DCC: variants seen among roughly 807,000 people sequenced by gnomAD.
DCC encodes DCC netrin 1 receptor.
A neutral mutation model predicts 172.5 loss-of-function variants in DCC; 58 were observed. That is an observed-to-expected ratio of 0.34 (90% CI 0.27 to 0.42). The LOEUF is 0.42. Ranked by LOEUF, DCC falls within the 10% of genes least tolerant of loss-of-function variation. The pLI is 1.00. For missense variants in DCC, 1,740 were observed against 1,791.0 expected (o/e 0.97, Z 0.51); for synonymous variants, 709 against 644.5 (o/e 1.10, Z -1.52).
chr18:52,974,214 G>T (rs1481941229), intron 5 of DCC, among the ~76,000 whole-genome samples: 1 of 152,104 alleles, frequency 6.6e-6, no homozygotes, highest in Non-Finnish European at 1.5e-5. Context: ...TGAAAATCTT[G>T]TCTACATATC....
intron 28 of DCC, among the ~76,000 whole-genome samples, chr18:53,529,026 TCTCTCTCTCTCTCACACACA>T (rs1157250113): frequency 3.1e-5 from 2 of 65,048 alleles, no homozygotes; most frequent in East Asian, 9.8e-4. Flanking sequence ...TCTCTCTCTC[TCTCTCTCTCTCTCACACACA>T]CACACACACA....
At position 52,810,836 on chromosome 18, in the gene DCC, C is replaced by T. The variant is rs573339856; in HGVS notation, c.412+58462C>T. Among the ~76,000 whole-genome samples, 29 of 152,314 alleles carry T rather than the reference C, an allele frequency of 1.9e-4. No homozygotes were observed. The East Asian group carries it at 5.4e-3, about 28-fold the overall frequency. ...TTTAACTTGTAACTTGGCTTTCAGG[C>T]TTCAAACTGTCTTCAGCTCGGAGGT... On this transcript the variant is annotated intron_variant, in intron 2 of 28. Transcript: ENST00000442544.
At chr18:53,482,542 T>C (rs2045845755) in intron 25 of DCC, among the ~76,000 whole-genome samples, 1 of 152,106 alleles carries the variant, frequency 6.6e-6, no homozygotes. Flanking sequence ...TCTCCAAATT[T>C]GTTTGGCTCC....
intron 2 of DCC, among the ~76,000 whole-genome samples, chr18:52,903,330 G>A (rs1190751721): frequency 4.6e-5 from 7 of 151,934 alleles, no homozygotes; most frequent in South Asian, 4.1e-4. Context: ...TCAGCCTCCC[G>A]AGTAGCTGGG....
chr18:53,048,687 A>G (rs1321866707), intron 5 of DCC, among the ~76,000 whole-genome samples: 1 of 151,118 alleles, frequency 6.6e-6, no homozygotes, highest in Non-Finnish European at 1.5e-5. Flanking sequence ...ATATATATAT[A>G]CCTATTCTTT....
chr18:53,156,358 C>T (rs1327909752), intron 7 of DCC, among the ~76,000 whole-genome samples: 1 of 152,004 alleles, frequency 6.6e-6, no homozygotes, highest in East Asian at 1.9e-4. Context: ...GGGGCACATG[C>T]CTGTAATCCC....
chr18:52,479,582 C>A (rs1989196843), intron 1 of DCC, among the ~76,000 whole-genome samples: 1 of 4,122 alleles, frequency 2.4e-4, no homozygotes, highest in South Asian at 0.016. Flanking sequence ...CTCCCTCCAC[C>A]CCCCCCCCGT....
intron 2 of DCC, among the ~76,000 whole-genome samples, chr18:52,815,617 G>A (rs1433789715): frequency 6.6e-6 from 1 of 152,128 alleles, no homozygotes; most frequent in African/African-American, 2.4e-5. Flanking sequence ...AAGCCACTCA[G>A]TTGCTAGTGT....
chr18:53,175,937 G>A (rs2055085960), intron 8 of DCC, among the ~76,000 whole-genome samples: 1 of 152,074 alleles, frequency 6.6e-6, no homozygotes, highest in Non-Finnish European at 1.5e-5. Context: ...ATACCACAAG[G>A]CTACAGTAAC....
intron 1 of DCC, among the ~76,000 whole-genome samples, chr18:52,710,292 A>G (rs1298008518): frequency 6.6e-6 from 1 of 152,266 alleles, no homozygotes; most frequent in East Asian, 1.9e-4. Flanking sequence ...GTACATGAAA[A>G]TATACTCATG....
intron 1 of DCC, among the ~76,000 whole-genome samples, chr18:52,475,990 C>T (rs1989083139): frequency 6.6e-6 from 1 of 152,132 alleles, no homozygotes; most frequent in Non-Finnish European, 1.5e-5. Flanking sequence ...ATAACAGCTG[C>T]ATGCACTATT....
intron 2 of DCC, among the ~76,000 whole-genome samples, chr18:52,878,730 C>G (rs2039438324): frequency 6.6e-6 from 1 of 152,158 alleles, no homozygotes; most frequent in Non-Finnish European, 1.5e-5. Flanking sequence ...ACTTGTGTCT[C>G]TTTCCCTAGT....
chr18:52,380,604 G>C (rs1477636736), intron 1 of DCC, among the ~76,000 whole-genome samples: 3 of 152,024 alleles, frequency 2.0e-5, no homozygotes, highest in Non-Finnish European at 2.9e-5. Flanking sequence ...ATTTAACCAT[G>C]AGTTTTACAT....
intron 13 of DCC, among the ~76,000 whole-genome samples, chr18:53,314,260 A>G (rs1881136309): frequency 6.6e-6 from 1 of 152,232 alleles, no homozygotes; most frequent in Non-Finnish European, 1.5e-5. Flanking sequence ...CTTCTGCTTT[A>G]TATCATGCAC....
At chr18:52,849,335 T>A (rs1037509096) in intron 2 of DCC, among the ~76,000 whole-genome samples, 3 of 152,292 alleles carry the variant, frequency 2.0e-5, no homozygotes, top group Non-Finnish European at 4.4e-5. Context: ...GGAATGCCTT[T>A]CCTGCTTAAA....
Position 53,486,839 on chromosome 18 carries a change from A to G in DCC, c.3779A>G (p.Gln1260Arg), listed in dbSNP as rs752012468. Residue 1260 changes from glutamine to arginine, a missense_variant, in exon 26 of 29, where the codon CAG (glutamine) becomes CGG (arginine). Around this residue, in one of 2 missense-constraint regions of DCC, gnomAD observed 1,732 missense variants for 1,767.4 expected, o/e 0.98. Transcript: ENST00000442544. ...CCGGTGCCAACGCTAGAAAGTGCCCAGTACCCAGGAATCCTCCCGTCTCCC... is the reference window on the plus strand; with the variant it reads ...CCGGTGCCAACGCTAGAAAGTGCCCGGTACCCAGGAATCCTCCCGTCTCCC... ...AIPVPTLESA[Q>R]YPGILPSPTC... 110 of 1,614,046 alleles carry G rather than the reference A, an allele frequency of 6.8e-5. No homozygotes were observed. Among genetic ancestry groups the G allele is most frequent in the Non-Finnish European group, 8.8e-5 (104 of 1,180,030 alleles).
At chr18:53,102,796 G>A (rs1274743754) in intron 7 of DCC, among the ~76,000 whole-genome samples, 3 of 151,892 alleles carry the variant, frequency 2.0e-5, no homozygotes, top group Non-Finnish European at 2.9e-5. Flanking sequence ...CTTCAGAATG[G>A]GTTATTACAG....
intron 1 of DCC, among the ~76,000 whole-genome samples, chr18:52,727,846 T>C (rs1160450963): frequency 6.6e-6 from 1 of 152,192 alleles, no homozygotes; most frequent in African/African-American, 2.4e-5. Flanking sequence ...ATTATGGTTT[T>C]TAAAATATCT....
chr18:52,861,254 A>G (rs185111402), intron 2 of DCC, among the ~76,000 whole-genome samples: 1 of 152,282 alleles, frequency 6.6e-6, no homozygotes, highest in African/African-American at 2.4e-5. Flanking sequence ...CTTGTACGGA[A>G]ACAATGTAGA....
Sources: allele counts gnomAD v4.1 joint callset (sites outside exome capture counted in the v4.1 genomes callset), GRCh38; gene constraint gnomAD v4.1.1; regional missense constraint gnomAD v4.1.1; transcripts MANE v1.5; gene names NCBI Gene and HGNC (gene_info 2026-07-23, HGNC 2026-07-21).